The following PPTC7 variants were observed in gnomAD, a reference collection of about 807,000 sequenced individuals.
PPTC7 encodes protein phosphatase targeting COQ7, also known as protein phosphatase PTC7 homolog.
Under a neutral mutation model 30.8 loss-of-function variants are expected in PPTC7, and 6 were observed. The observed-to-expected ratio is 0.19, with a 90% CI of 0.11 to 0.38. The LOEUF is 0.38. PPTC7 is among the 10% of genes least tolerant of loss of function. The pLI is 1.00. For synonymous variants in PPTC7, 163 were observed against 168.1 expected, an observed-to-expected ratio of 0.97 and a Z score of 0.23; for missense variants, 218 against 404.8, an observed-to-expected ratio of 0.54 and a Z score of 3.96.
At chr12:110,579,776 G>T (rs1342125162) in intron 1 of PPTC7, among the ~76,000 whole-genome samples, 1 of 152,188 alleles carries the variant, frequency 6.6e-6, no homozygotes, top group Non-Finnish European at 1.5e-5. Flanking sequence ...AGTTTGGGAG[G>T]CCGAGGCTGG....
At chr12:110,569,841 G>T (rs1348306601) in intron 1 of PPTC7, among the ~76,000 whole-genome samples, 1 of 152,194 alleles carries the variant, frequency 6.6e-6, no homozygotes, top group Non-Finnish European at 1.5e-5. Context: ...TTTAGAGAGT[G>T]GAAACAGTGC....
intron 1 of PPTC7, among the ~76,000 whole-genome samples, chr12:110,558,002 G>T (rs1033078904): frequency 6.6e-6 from 1 of 152,202 alleles, no homozygotes; most frequent in African/African-American, 2.4e-5. Context: ...AATTCAAGAT[G>T]AAATTTGAGT....
chr12:110,546,376 A>G, intron 2 of PPTC7: 1 of 359,724 alleles, frequency 2.8e-6, no homozygotes, highest in Middle Eastern at 8.8e-4. Flanking sequence ...TAATCACACT[A>G]TTTCATTTCA....
At chr12:110,579,647 G>C (rs575122245) in intron 1 of PPTC7, among the ~76,000 whole-genome samples, 2 of 152,170 alleles carry the variant, frequency 1.3e-5, no homozygotes, top group South Asian at 4.1e-4. Context: ...TACAAAACAG[G>C]AATCTACTGA....
chr12:110,541,133 G>A (rs776915306), intron 3 of PPTC7, among the ~76,000 whole-genome samples: 47 of 150,830 alleles, frequency 3.1e-4, no homozygotes, highest in Non-Finnish European at 4.0e-4. Context: ...TGTAATCCCA[G>A]CACTTTGGGA....
In PPTC7 at chr12:110,535,120, G is replaced by A. The variant is rs576603154; in HGVS notation, c.*1917C>T. 5 of 152,452 alleles carry A rather than the reference G, an allele frequency of 3.3e-5. No homozygotes were observed. In the East Asian group the frequency reaches 7.7e-4, roughly 24 times the overall value. 9.4% of individuals were successfully genotyped at this position (152,452 alleles called of 1,614,324 possible). Reference sequence around the variant, plus strand: ...ATAGTTTGTGCAAAATAAATACCCCGCCACTTGCCACTCATGCTTCTGTGT... The same window carrying A: ...ATAGTTTGTGCAAAATAAATACCCCACCACTTGCCACTCATGCTTCTGTGT... On this transcript the variant is annotated 3_prime_UTR_variant, in exon 6 of 6. Coordinates refer to ENST00000354300, the MANE Select transcript of PPTC7 (RefSeq NM_139283.2).
At chr12:110,542,604 G>A (rs995798015) in intron 3 of PPTC7, among the ~76,000 whole-genome samples, 1 of 145,386 alleles carries the variant, frequency 6.9e-6, no homozygotes, top group Non-Finnish European at 1.5e-5. Flanking sequence ...CAGGGAGGCA[G>A]CAGTAGCAGT....
rs992885562 is a variant in PPTC7 at position 110,536,924 on chromosome 12, A to G, written c.*113T>C. 9.3e-6 allele frequency: 7 copies of G among 753,334 alleles called. No individual in the cohort carries two copies. Among genetic ancestry groups the G allele is most frequent in the African/African-American group, 7.0e-5 (4 of 57,244 alleles). 46.7% of individuals were successfully genotyped at this position (753,334 alleles called of 1,614,324 possible). On this transcript the variant is annotated 3_prime_UTR_variant, in exon 6 of 6. Transcript: ENST00000354300. ...TCAAGAAGACAGGCAAAAGACTTACATCACTGGCCATTGAGATCAGTGGCA... is the reference window on the plus strand; with the variant it reads ...TCAAGAAGACAGGCAAAAGACTTACGTCACTGGCCATTGAGATCAGTGGCA...
chr12:110,553,129 G>A (rs2064361200), intron 1 of PPTC7, among the ~76,000 whole-genome samples: 1 of 150,136 alleles, frequency 6.7e-6, no homozygotes, highest in African/African-American at 2.4e-5. Flanking sequence ...GTTGCGGTGA[G>A]CCGAGATCGC....
intron 2 of PPTC7, among the ~76,000 whole-genome samples, chr12:110,550,692 G>T (rs919677074): frequency 6.6e-6 from 1 of 152,138 alleles, no homozygotes; most frequent in Non-Finnish European, 1.5e-5. Flanking sequence ...AAACGTAGAG[G>T]CCTGGCCAAA....
chr12:110,582,890 G>A lies in PPTC7; in HGVS notation c.142C>T (p.Arg48Cys), dbSNP rs774492985. The A allele has an allele frequency of 6.4e-7, 1 of 1,554,212 alleles. No homozygotes were observed. The highest frequency in any genetic ancestry group is 8.7e-7 in the Non-Finnish European group (1 of 1,149,156). Residue 48 changes from arginine to cysteine, a missense_variant, in exon 1 of 6, where the codon CGT becomes TGT. Physicochemically the swap from Arg to Cys is radical, Grantham distance 180. Transcript: ENST00000354300. ...TAGCGFGKDF[R>C]KGLLKKGACY... The stretch of plus-strand genomic sequence containing the variant: ...GCGCCCTTCTTGAGGAGGCCCTTAC[G>A]GAAGTCCTTCCCGAAGCCGCAGCCG...
chr12:110,549,996 A>G (rs2064337931), intron 2 of PPTC7, among the ~76,000 whole-genome samples: 1 of 152,212 alleles, frequency 6.6e-6, no homozygotes, highest in African/African-American at 2.4e-5. Context: ...TCACTATGCC[A>G]GACAAGCTCC....
intron 1 of PPTC7, among the ~76,000 whole-genome samples, chr12:110,579,665 C>G (rs1298240313): frequency 1.3e-5 from 2 of 152,134 alleles, no homozygotes; most frequent in African/African-American, 4.8e-5. Flanking sequence ...TGAAGGTGCC[C>G]GTGACACCTG....
intron 1 of PPTC7, among the ~76,000 whole-genome samples, chr12:110,581,508 G>C (rs2064637092): frequency 6.6e-6 from 1 of 152,098 alleles, no homozygotes. Context: ...CTTCGGGGTG[G>C]ATTTGTACAA....
At chr12:110,573,808 C>A (rs1387332018) in intron 1 of PPTC7, among the ~76,000 whole-genome samples, 1 of 151,904 alleles carries the variant, frequency 6.6e-6, no homozygotes, top group Non-Finnish European at 1.5e-5. Context: ...ATGGAGAAAC[C>A]CCGTCTCTAC....
Position 110,535,038 on chromosome 12 carries a change from TAACAA to T in PPTC7, c.*1994_*1998del, listed in dbSNP as rs1228720333. 6.6e-6 allele frequency: 1 copy of T among 152,664 alleles called. No homozygotes were observed. The highest frequency in any genetic ancestry group is 1.5e-5 in the Non-Finnish European group (1 of 68,056). The allele number at this position is 152,664 out of a possible 1,614,324, so 9.5% of individuals were successfully genotyped here. ...AGTCCTAATATAAATGTATTCATTC[TAACAA>T]AACCCTTCTGGATGCAACTTTCTTT... On this transcript the variant is annotated 3_prime_UTR_variant, in exon 6 of 6. Coordinates refer to ENST00000354300, the MANE Select transcript of PPTC7 (RefSeq NM_139283.2).
At chr12:110,572,701 G>T (rs2064548680) in intron 1 of PPTC7, among the ~76,000 whole-genome samples, 1 of 151,960 alleles carries the variant, frequency 6.6e-6, no homozygotes, top group African/African-American at 2.4e-5. Context: ...ATCCATTCTA[G>T]AACTTATTCA....
chr12:110,569,702 T>C (rs997838464), intron 1 of PPTC7, among the ~76,000 whole-genome samples: 1 of 152,238 alleles, frequency 6.6e-6, no homozygotes, highest in Non-Finnish European at 1.5e-5. Context: ...TACTTTGCAT[T>C]TCACATACAA....
intron 1 of PPTC7, among the ~76,000 whole-genome samples, chr12:110,559,003 A>G (rs536052520): frequency 6.6e-6 from 1 of 152,156 alleles, no homozygotes; most frequent in South Asian, 2.1e-4. Context: ...TATTTTATTA[A>G]GTTTTCCATA....
Sources: gnomAD v4.1 joint callset for allele counts (sites outside exome capture counted in the v4.1 genomes callset) on GRCh38, gnomAD v4.1.1 for gene constraint, MANE v1.5 for transcripts, NCBI Gene and HGNC (gene_info 2026-07-23, HGNC 2026-07-21) for gene names.